Variants in FMN1 observed in about 807,000 individuals in gnomAD.
The protein encoded by FMN1 is formin-1.
Under a neutral mutation model 132.4 loss-of-function variants are expected in FMN1, and 110 were observed. That is an observed-to-expected ratio of 0.83 (90% CI 0.71 to 0.97). The LOEUF is 0.97. Among genes scored for constraint, FMN1 ranks in the 50% least tolerant of loss-of-function variants. The pLI is 0.00. For synonymous variants in FMN1, 722 were observed against 651.7 expected (o/e 1.11, Z -1.64); for missense variants, 1,792 against 1,705.3 (o/e 1.05, Z -0.90).
chr15:33,048,083 T>G (rs535932426), intron 6 of FMN1, among the ~76,000 whole-genome samples: 5 of 152,058 alleles, frequency 3.3e-5, no homozygotes, highest in African/African-American at 7.2e-5. Flanking sequence ...TGGTAATCTT[T>G]GGGAAATAAA....
chr15:33,124,854 T>G (rs908839317), intron 4 of FMN1, among the ~76,000 whole-genome samples: 14 of 152,092 alleles, frequency 9.2e-5, no homozygotes, highest in Non-Finnish European at 8.8e-5. Flanking sequence ...CTGCATTTTT[T>G]TTTTTAATTT....
chr15:32,877,203 T>C (rs72717700), intron 16 of FMN1, among the ~76,000 whole-genome samples: 47,965 of 151,588 alleles, frequency 0.32, 8,108 homozygotes, highest in African/African-American at 0.44. Flanking sequence ...AGGAGAATCG[T>C]TTGAACCCGG....
At chr15:32,939,426 C>T (rs559985320) in intron 9 of FMN1, among the ~76,000 whole-genome samples, 1 of 151,968 alleles carries the variant, frequency 6.6e-6, no homozygotes, top group African/African-American at 2.4e-5. Flanking sequence ...AAAGTGATAA[C>T]AAAGATGTGG....
intron 17 of FMN1, among the ~76,000 whole-genome samples, chr15:32,851,166 C>A (rs895308450): frequency 1.3e-5 from 2 of 152,190 alleles, no homozygotes; most frequent in African/African-American, 4.8e-5. Flanking sequence ...ATGGTTCATG[C>A]AGAATCATTC....
chr15:32,807,915 A>G (rs2057738858), intron 17 of FMN1, among the ~76,000 whole-genome samples: 1 of 152,204 alleles, frequency 6.6e-6, no homozygotes, highest in African/African-American at 2.4e-5. Context: ...ACAGCATGAA[A>G]TATTTCTCCT....
In FMN1 at chr15:33,083,233, T is replaced by C. The variant is rs527497668; in HGVS notation, c.2043+5566A>G. 4.6e-5 allele frequency among the ~76,000 whole-genome samples: 7 copies of C among 152,366 alleles called. No homozygotes were observed. The East Asian group carries it at 1.2e-3, about 25-fold the overall frequency. On this transcript the variant is annotated intron_variant, in intron 5 of 20. Transcript: ENST00000616417. ...TAGAAGTAGTAATAATATTTGGATATACTCAAATATATTCAAATATATATA... is the reference window on the plus strand; with the variant it reads ...TAGAAGTAGTAATAATATTTGGATACACTCAAATATATTCAAATATATATA...
chr15:32,803,735 G>A (rs1428024136), intron 18 of FMN1, among the ~76,000 whole-genome samples: 1 of 152,174 alleles, frequency 6.6e-6, no homozygotes, highest in Non-Finnish European at 1.5e-5. Context: ...TAGTTGTAAT[G>A]CCAGGAAGGA....
chr15:33,075,032 AAAAAAAAAAAAAAAAG>A (rs1438478118), intron 5 of FMN1, among the ~76,000 whole-genome samples: 25 of 110,390 alleles, frequency 2.3e-4, no homozygotes, highest in Non-Finnish European at 4.7e-4. Context: ...AAAAAAAAAA[AAAAAAAAAAAAAAAAG>A]AACAGACCTT....
intron 16 of FMN1, among the ~76,000 whole-genome samples, chr15:32,874,418 A>C (rs2059592170): frequency 6.6e-6 from 1 of 152,176 alleles, no homozygotes; most frequent in South Asian, 2.1e-4. Context: ...TTGAAAAAAA[A>C]ATTAGATGTT....
At position 32,804,262 on chromosome 15, in the gene FMN1, C is replaced by T. The variant is rs780771423; in HGVS notation, c.3980+19G>A. 2 of 1,548,990 alleles carry T rather than the reference C, an allele frequency of 1.3e-6. No individual in the cohort carries two copies. The highest frequency in any genetic ancestry group is 1.7e-4 in the Middle Eastern group (1 of 5,904). On this transcript the variant is annotated intron_variant, in intron 18 of 20. Transcript: ENST00000616417. ...TGGCTAGTCAAAGAAAGAACTGGGGCCAAATCAGAGCTGCTTACCTTTTCT... is the reference window on the plus strand; with the variant it reads ...TGGCTAGTCAAAGAAAGAACTGGGGTCAAATCAGAGCTGCTTACCTTTTCT...
chr15:33,024,223 A>ATTTTTTTTTTTTTTTTTTTTTTTTT (rs555760509), intron 6 of FMN1, among the ~76,000 whole-genome samples: 2 of 88,018 alleles, frequency 2.3e-5, no homozygotes, highest in African/African-American at 4.4e-5. Flanking sequence ...CACCTATCAG[A>ATTTTTTTTTTTTTTTTTTTTTTTTT]TTTTTTTTTT....
chr15:33,174,783 TC>T (rs1965457251), intron 3 of FMN1, among the ~76,000 whole-genome samples: 2 of 152,174 alleles, frequency 1.3e-5, no homozygotes, highest in Admixed American at 1.3e-4. Flanking sequence ...AACGACAAGA[TC>T]CCTGTGTAAC....
At chr15:32,893,110 G>T (rs573510222) in intron 15 of FMN1, among the ~76,000 whole-genome samples, 2 of 152,134 alleles carry the variant, frequency 1.3e-5, no homozygotes, top group Middle Eastern at 3.2e-3. Flanking sequence ...TCCTCTTTAA[G>T]GCCATTAGCT....
chr15:32,956,421 T>C (rs1351446160), intron 9 of FMN1, among the ~76,000 whole-genome samples: 1 of 152,138 alleles, frequency 6.6e-6, no homozygotes, highest in Non-Finnish European at 1.5e-5. Flanking sequence ...GGCTGTCTCA[T>C]TTCCAAATAA....
At chr15:32,990,296 T>C (rs188808597) in intron 7 of FMN1, among the ~76,000 whole-genome samples, 68 of 152,122 alleles carry the variant, frequency 4.5e-4, no homozygotes, top group African/African-American at 1.2e-3. Context: ...GCAAAGAAGA[T>C]AGAGAAGCAC....
At chr15:33,029,384 G>A (rs777974755) in intron 6 of FMN1, among the ~76,000 whole-genome samples, 1 of 152,156 alleles carries the variant, frequency 6.6e-6, no homozygotes, top group African/African-American at 2.4e-5. Flanking sequence ...TCAGGGTAAA[G>A]GGAGAGAGAG....
chr15:32,964,349 C>T, intron 8 of FMN1, 92 bp from the exon 9 acceptor site: 2 of 943,102 alleles, frequency 2.1e-6, no homozygotes, highest in Non-Finnish European at 3.1e-6. Flanking sequence ...TTTTTAATTT[C>T]ATTTTTCTAA....
intron 4 of FMN1, among the ~76,000 whole-genome samples, chr15:33,130,976 A>G (rs942556573): frequency 6.6e-6 from 1 of 152,136 alleles, no homozygotes; most frequent in South Asian, 2.1e-4. Flanking sequence ...GATGGTTGTC[A>G]TAGAGTTGGT....
At chr15:33,177,969 T>C (rs777681304) in intron 3 of FMN1, among the ~76,000 whole-genome samples, 6 of 152,064 alleles carry the variant, frequency 3.9e-5, no homozygotes, top group East Asian at 1.9e-4. Context: ...GATTTTGCCA[T>C]TGGACTCCAG....
Sources: gnomAD v4.1 joint callset for allele counts (sites outside exome capture counted in the v4.1 genomes callset) on GRCh38, gnomAD v4.1.1 for gene constraint, MANE v1.5 for transcripts, NCBI Gene and HGNC (gene_info 2026-07-23, HGNC 2026-07-21) for gene names.